NPAS3: variants seen among roughly 807,000 people sequenced by gnomAD.
The protein encoded by NPAS3 is neuronal PAS domain protein 3.
In NPAS3, 14 loss-of-function variants were observed where a neutral mutation model predicts 73.1. The ratio of observed to expected loss-of-function variants is 0.19; its 90% CI spans 0.13 to 0.30. The LOEUF is 0.30. NPAS3 is among the 10% of genes least tolerant of loss of function. The probability of loss-of-function intolerance (pLI) is 1.00; values close to 1 mark genes in which losing one functional copy is unlikely to be tolerated. For missense variants in NPAS3, 1,096 were observed against 1,250.0 expected, an observed-to-expected ratio of 0.88 and a Z score of 1.86; for synonymous variants, 620 against 541.5, an observed-to-expected ratio of 1.14 and a Z score of -2.01.
chr14:33,526,741 C>A (rs2053817645), intron 4 of NPAS3, among the ~76,000 whole-genome samples: 1 of 152,036 alleles, frequency 6.6e-6, no homozygotes, highest in Non-Finnish European at 1.5e-5. Flanking sequence ...CTAAGGGAGT[C>A]AGGTCAGAAT....
At chr14:33,357,681 G>A (rs2045402652) in intron 3 of NPAS3, among the ~76,000 whole-genome samples, 1 of 152,178 alleles carries the variant, frequency 6.6e-6, no homozygotes, top group Non-Finnish European at 1.5e-5. Context: ...TATTTATTGT[G>A]TGCCTTCTGC....
intron 5 of NPAS3, among the ~76,000 whole-genome samples, chr14:33,571,477 T>A (rs953316279): frequency 2.0e-5 from 3 of 152,200 alleles, no homozygotes; most frequent in African/African-American, 7.2e-5. Flanking sequence ...AAAGAAATGA[T>A]ACGGCTTTTA....
chr14:33,268,721 G>A, intron 3 of NPAS3, among the ~76,000 whole-genome samples: 1 of 152,142 alleles, frequency 6.6e-6, no homozygotes, highest in East Asian at 1.9e-4. Flanking sequence ...TAGGAACTTG[G>A]AGAAGATGTT....
At chr14:33,310,450 C>T (rs2042954517) in intron 3 of NPAS3, among the ~76,000 whole-genome samples, 1 of 152,100 alleles carries the variant, frequency 6.6e-6, no homozygotes, top group Non-Finnish European at 1.5e-5. Context: ...GAGTAGAGAG[C>T]AAGACAGACC....
At chr14:32,947,593 A>G (rs1481454140) in intron 1 of NPAS3, among the ~76,000 whole-genome samples, 2 of 152,130 alleles carry the variant, frequency 1.3e-5, no homozygotes, top group Non-Finnish European at 2.9e-5. Flanking sequence ...ACACACATAT[A>G]TATACACTGT....
At chr14:33,454,924 G>A (rs1170064224) in intron 4 of NPAS3, among the ~76,000 whole-genome samples, 1 of 152,126 alleles carries the variant, frequency 6.6e-6, no homozygotes, top group Non-Finnish European at 1.5e-5. Context: ...CTGAGTGAGT[G>A]GCCTCAGGAT....
At chr14:33,651,132 G>A (rs913723808) in intron 5 of NPAS3, among the ~76,000 whole-genome samples, 4 of 152,186 alleles carry the variant, frequency 2.6e-5, no homozygotes, top group East Asian at 1.9e-4. Flanking sequence ...CACAAGGCCC[G>A]TGCAGAAATC....
intron 1 of NPAS3, 114 bp downstream of exon 1, chr14:32,939,480 C>G (rs563262065): frequency 7.9e-5 from 20 of 254,728 alleles, no homozygotes; most frequent in African/African-American, 4.7e-4. Flanking sequence ...CGCGAGCCCG[C>G]GGGGACCTCG....
chr14:33,327,877 A>T (rs1021339073), intron 3 of NPAS3, among the ~76,000 whole-genome samples: 8 of 152,178 alleles, frequency 5.3e-5, no homozygotes, highest in African/African-American at 1.9e-4. Context: ...TCAAAAAGAT[A>T]CCACCCATTG....
At chr14:33,502,013 C>T (rs2052541472) in intron 4 of NPAS3, among the ~76,000 whole-genome samples, 1 of 151,790 alleles carries the variant, frequency 6.6e-6, no homozygotes, top group South Asian at 2.1e-4. Context: ...TCCAATTGCT[C>T]CCCATCCAAA....
intron 3 of NPAS3, among the ~76,000 whole-genome samples, chr14:33,236,353 G>A (rs922718458): frequency 6.6e-6 from 1 of 151,986 alleles, no homozygotes; most frequent in Admixed American, 6.6e-5. Flanking sequence ...GTTATTAGCA[G>A]TTTCTCTCCT....
At chr14:33,683,174 A>G (rs1412766558) in intron 6 of NPAS3, among the ~76,000 whole-genome samples, 1 of 152,148 alleles carries the variant, frequency 6.6e-6, no homozygotes, top group Non-Finnish European at 1.5e-5. Context: ...TGAATAATAG[A>G]AGCACAGGCC....
Position 33,605,671 on chromosome 14 carries a change from A to G in NPAS3, c.558+45461A>G, listed in dbSNP as rs2057536982. Among the ~76,000 whole-genome samples the G allele has an allele frequency of 3.9e-5, 6 of 152,192 alleles. No individual in the cohort carries two copies. In the South Asian group the frequency reaches 1.0e-3, roughly 26 times the overall value. On this transcript the variant is annotated intron_variant, in intron 5 of 11. Coordinates refer to ENST00000356141, the Ensembl canonical transcript of NPAS3. The stretch of plus-strand genomic sequence containing the variant: ...TTCAACACTTAAGGACAAATCTGAC[A>G]AAATATGTGAAAGACATGTACATTA...
At chr14:33,004,698 A>G (rs1458061053) in intron 1 of NPAS3, among the ~76,000 whole-genome samples, 1 of 152,044 alleles carries the variant, frequency 6.6e-6, no homozygotes, top group Non-Finnish European at 1.5e-5. Context: ...TTGATTTTTA[A>G]AAACTTTTTG....
intron 5 of NPAS3, among the ~76,000 whole-genome samples, chr14:33,592,455 C>T (rs1024590577): frequency 6.6e-6 from 1 of 152,104 alleles, no homozygotes; most frequent in Non-Finnish European, 1.5e-5. Context: ...TGTTGGATGA[C>T]TCAGTGCTTT....
In NPAS3 at chr14:33,695,608, A is replaced by G. The variant is rs1057254610; in HGVS notation, c.733+19223A>G. Among the ~76,000 whole-genome samples, 3 of 152,190 alleles carry G rather than the reference A, an allele frequency of 2.0e-5. No homozygotes were observed. The East Asian group carries it at 5.8e-4, about 29-fold the overall frequency. On this transcript the variant is annotated intron_variant, in intron 6 of 11. Transcript: ENST00000356141. Reference sequence around the variant, plus strand: ...AATTTTGTGAGTTGGTAGCACTCCAATAGTTCAATATTTTTAATTCTACAA... The same window carrying G: ...AATTTTGTGAGTTGGTAGCACTCCAGTAGTTCAATATTTTTAATTCTACAA...
intron 2 of NPAS3, among the ~76,000 whole-genome samples, chr14:33,058,351 C>T (rs2040966046): frequency 6.6e-6 from 1 of 152,150 alleles, no homozygotes; most frequent in Non-Finnish European, 1.5e-5. Flanking sequence ...GATCCTCTAG[C>T]TTTCAGTGTC....
At chr14:33,409,947 G>A (rs972095033) in intron 4 of NPAS3, among the ~76,000 whole-genome samples, 1 of 152,158 alleles carries the variant, frequency 6.6e-6, no homozygotes, top group African/African-American at 2.4e-5. Flanking sequence ...GAGTTGGTAT[G>A]TTAATTAAAT....
chr14:33,626,652 C>A (rs1345749689), intron 5 of NPAS3, among the ~76,000 whole-genome samples: 1 of 152,176 alleles, frequency 6.6e-6, no homozygotes, highest in Non-Finnish European at 1.5e-5. Flanking sequence ...ATTTACTGAA[C>A]ACCCACCATG....
Sources: allele counts gnomAD v4.1 joint callset (sites outside exome capture counted in the v4.1 genomes callset), GRCh38; gene constraint gnomAD v4.1.1; transcripts MANE v1.5; gene names NCBI Gene and HGNC (gene_info 2026-07-23, HGNC 2026-07-21).